The following RNF214 variants were observed in gnomAD, a reference collection of about 807,000 sequenced individuals.
The protein encoded by RNF214 is ring finger protein 214.
Under a neutral mutation model 75.9 loss-of-function variants are expected in RNF214, and 25 were observed. The ratio of observed to expected loss-of-function variants is 0.33; its 90% CI spans 0.24 to 0.46. The LOEUF (loss-of-function observed/expected upper bound fraction) is 0.46, where lower values mean the gene tolerates loss of function less well. RNF214 is among the 20% of genes least tolerant of loss of function. The pLI, the probability that RNF214 is intolerant of heterozygous loss-of-function variation, is 1.00. For missense variants in RNF214, 725 were observed against 857.5 expected (o/e 0.85, Z 1.93); for synonymous variants, 314 against 308.8 (o/e 1.02, Z -0.18).
intron 6 of RNF214, among the ~76,000 whole-genome samples, chr11:117,250,172 G>A (rs985991768): frequency 1.3e-5 from 2 of 152,170 alleles, no homozygotes; most frequent in African/African-American, 4.8e-5. Context: ...TGGGTAGGGG[G>A]AGTCACAGAG....
intron 6 of RNF214, among the ~76,000 whole-genome samples, chr11:117,269,768 ACGATT>A (rs2033870390): frequency 6.7e-6 from 1 of 148,996 alleles, no homozygotes; most frequent in Non-Finnish European, 1.5e-5. Flanking sequence ...GGTTTGACTT[ACGATT>A]TTTCCACTTT....
rs756601986 is a variant in RNF214 at position 117,281,302 on chromosome 11, G to A, written c.1146-12G>A. ...TCTTTAAATCTGTAAATTCCTGTTG[G>A]TTTCTTGAAAGGTCAACTCCCCCAA... On this transcript the variant is annotated splice_polypyrimidine_tract_variant and intron_variant, in intron 8 of 14. Transcript: ENST00000300650. The A allele has an allele frequency of 6.2e-7, 1 of 1,602,724 alleles. No homozygotes were observed. The highest frequency in any genetic ancestry group is 1.3e-5 in the African/African-American group (1 of 74,712).
Position 117,280,213 on chromosome 11 carries a change from C to CT in RNF214, c.1100dup (p.Glu368ArgfsTer46), listed in dbSNP as rs775153359. 1 of 1,613,770 alleles carries CT rather than the reference C, an allele frequency of 6.2e-7. No homozygotes were observed. The highest frequency in any genetic ancestry group is 8.5e-7 in the Non-Finnish European group (1 of 1,179,668). On this transcript the variant is annotated frameshift_variant, in exon 8 of 15. Coordinates refer to ENST00000300650, the MANE Select transcript of RNF214 (RefSeq NM_207343.4). LOFTEE classifies it high-confidence loss of function. ...CCGGAAAGAGTTACTGGTACTGAAACTAGAAGAAGCAGAAAAAGAGGCAGA... is the reference window on the plus strand; with the variant it reads ...CCGGAAAGAGTTACTGGTACTGAAACTTAGAAGAAGCAGAAAAAGAGGCAGA...
chr11:117,239,109 C>T lies in RNF214; in HGVS notation c.616C>T (p.Gln206Ter), dbSNP rs746419775. 6.9e-6 allele frequency: 11 copies of T among 1,604,210 alleles called. No individual in the cohort carries two copies. The highest frequency in any genetic ancestry group is 9.4e-6 in the Non-Finnish European group (11 of 1,174,474). The stretch of plus-strand genomic sequence containing the variant: ...GAAGCTTTCTCAGAACATTGCTGTA[C>T]AGGTCAAGTGTCAAGTTTCTACTAC... ...SLKLSQNIAV[Q>*]TDFKTADSEV... The change falls in exon 3 of 15, where the codon CAG becomes TAG. Residue 206 changes from glutamine (Q) to a stop codon, truncating the protein, a stop_gained and splice_region_variant. Coordinates refer to ENST00000300650, the MANE Select transcript of RNF214 (RefSeq NM_207343.4). LOFTEE classifies it high-confidence loss of function.
chr11:117,246,591 A>G (rs1390913184), intron 5 of RNF214, among the ~76,000 whole-genome samples: 1 of 152,140 alleles, frequency 6.6e-6, no homozygotes, highest in African/African-American at 2.4e-5. Context: ...GCTAGAAATT[A>G]TTTTTCCTGT....
chr11:117,278,294 ACT>A (rs1426157499), intron 6 of RNF214, among the ~76,000 whole-genome samples: 1 of 152,114 alleles, frequency 6.6e-6, no homozygotes, highest in Non-Finnish European at 1.5e-5. Flanking sequence ...ACAGAGTGAG[ACT>A]CTGTCTCAAA....
chr11:117,242,073 A>G (rs1003360585), intron 4 of RNF214, among the ~76,000 whole-genome samples: 1 of 152,008 alleles, frequency 6.6e-6, no homozygotes, highest in Non-Finnish European at 1.5e-5. Context: ...TTATCCCCAG[A>G]TAGTTGGCTT....
chr11:117,255,342 C>A (rs1428437680), intron 6 of RNF214, among the ~76,000 whole-genome samples: 2 of 152,130 alleles, frequency 1.3e-5, no homozygotes, highest in African/African-American at 4.8e-5. Context: ...GCTATTTCTC[C>A]ATAGATGACT....
At chr11:117,284,970 G>C in intron 14 of RNF214, 116 bp from the exon 15 acceptor site, 1 of 710,170 alleles carries the variant, frequency 1.4e-6, no homozygotes, top group South Asian at 1.7e-5. Context: ...AGCCCCTCTT[G>C]TACCTCAGTG....
At chr11:117,238,493 G>A (rs2032974023) in intron 2 of RNF214, 108 bp from the exon 3 acceptor site, 4 of 948,806 alleles carry the variant, frequency 4.2e-6, no homozygotes, top group Non-Finnish European at 6.3e-6. Flanking sequence ...TTGAAACTAA[G>A]TTCTTTCATT....
intron 6 of RNF214, among the ~76,000 whole-genome samples, chr11:117,261,765 A>G (rs201232567): frequency 6.8e-6 from 1 of 146,618 alleles, no homozygotes; most frequent in African/African-American, 2.5e-5. Flanking sequence ...CCTGCCTCAG[A>G]CTCCCGAGTA....
At chr11:117,282,694 G>A in intron 12 of RNF214, 52 bp from the exon 13 acceptor site, 1 of 1,563,384 alleles carries the variant, frequency 6.4e-7, no homozygotes, top group South Asian at 1.1e-5. Flanking sequence ...TTTGTGATAT[G>A]CTCTGTTACT....
intron 2 of RNF214, among the ~76,000 whole-genome samples, chr11:117,237,138 G>A (rs746096850): frequency 6.6e-6 from 1 of 152,210 alleles, no homozygotes; most frequent in Admixed American, 6.5e-5. Context: ...GGAGTACAGT[G>A]GTGCGATCAT....
chr11:117,278,202 G>C (rs1271919673), intron 6 of RNF214, among the ~76,000 whole-genome samples: 1 of 152,074 alleles, frequency 6.6e-6, no homozygotes, highest in Non-Finnish European at 1.5e-5. Context: ...TACTCGGGAG[G>C]CTGAGGCAGG....
intron 2 of RNF214, among the ~76,000 whole-genome samples, chr11:117,238,149 A>G (rs1056676635): frequency 1.3e-5 from 2 of 152,200 alleles, no homozygotes; most frequent in Non-Finnish European, 1.5e-5. Context: ...GCTCACGCCT[A>G]TAATTCCAAC....
At chr11:117,251,467 CGGGCGGGGGGCTG>C (rs1565335203) in intron 6 of RNF214, among the ~76,000 whole-genome samples, 59 of 121,254 alleles carry the variant, frequency 4.9e-4, no homozygotes, top group African/African-American at 1.8e-3. Flanking sequence ...GGCGGCTGGC[CGGGCGGGGGGCTG>C]ACCCCCCCAC....
At chr11:117,244,228 G>A (rs948878420) in intron 4 of RNF214, among the ~76,000 whole-genome samples, 2 of 151,944 alleles carry the variant, frequency 1.3e-5, no homozygotes, top group Non-Finnish European at 2.9e-5. Flanking sequence ...TGATCCGCCC[G>A]CCTCAGCCTC....
intron 6 of RNF214, among the ~76,000 whole-genome samples, chr11:117,252,978 A>G (rs1444524426): frequency 2.0e-5 from 3 of 152,214 alleles, no homozygotes; most frequent in Non-Finnish European, 4.4e-5. Context: ...GCTTTGTACT[A>G]TTTGAAGGTA....
chr11:117,260,998 GTTTTAT>G (rs1435419088), intron 6 of RNF214, among the ~76,000 whole-genome samples: 1 of 151,092 alleles, frequency 6.6e-6, no homozygotes, highest in Non-Finnish European at 1.5e-5. Context: ...AGTACACACA[GTTTTAT>G]CTTCCTTTCA....
Sources: gnomAD v4.1 joint callset for allele counts (sites outside exome capture counted in the v4.1 genomes callset) on GRCh38, gnomAD v4.1.1 for gene constraint, MANE v1.5 for transcripts, NCBI Gene and HGNC (gene_info 2026-07-23, HGNC 2026-07-21) for gene names.